ENTREP2: variants seen among roughly 807,000 people sequenced by gnomAD.
The protein encoded by ENTREP2 is endosomal transmembrane epsin interactor 2, also known as protein ENTREP2.
At chr15:29,495,774 G>A in the ENTREP2 span, among the ~76,000 whole-genome samples, 1 of 152,044 alleles carries the variant, frequency 6.6e-6, no homozygotes, top group Non-Finnish European at 1.5e-5. Flanking sequence ...CTATGTGTCT[G>A]TTTTTATGCC....
At chr15:29,511,888 T>C in the ENTREP2 span, among the ~76,000 whole-genome samples, 1 of 150,122 alleles carries the variant, frequency 6.7e-6, no homozygotes, top group Non-Finnish European at 1.5e-5. Flanking sequence ...GTGTTATCTA[T>C]TGTAAAGAAG....
chr15:29,274,691 G>A, the ENTREP2 span, among the ~76,000 whole-genome samples: 1 of 152,158 alleles, frequency 6.6e-6, no homozygotes, highest in Non-Finnish European at 1.5e-5. Flanking sequence ...TGTATATACT[G>A]CAGGGGAGGC....
At chr15:29,124,180 C>T in the ENTREP2 span, among the ~76,000 whole-genome samples, 2 of 152,204 alleles carry the variant, frequency 1.3e-5, no homozygotes, top group Non-Finnish European at 2.9e-5. Context: ...TCCAGCTCCC[C>T]ACAGAGCTGA....
the ENTREP2 span, among the ~76,000 whole-genome samples, chr15:29,458,424 C>T: frequency 7.9e-5 from 12 of 152,318 alleles, no homozygotes; most frequent in African/African-American, 2.6e-4. Context: ...CCCAGGCAAA[C>T]TGACACATAA....
chr15:29,127,502 C>T, the ENTREP2 span, among the ~76,000 whole-genome samples: 41 of 152,164 alleles, frequency 2.7e-4, no homozygotes, highest in Non-Finnish European at 4.6e-4. Flanking sequence ...CCTTCCTGTC[C>T]GTCTGTGAGG....
At chr15:29,187,107 C>T in the ENTREP2 span, among the ~76,000 whole-genome samples, 1 of 152,100 alleles carries the variant, frequency 6.6e-6, no homozygotes, top group East Asian at 1.9e-4. Flanking sequence ...CCGTATATCA[C>T]CCATACACAC....
At chr15:29,207,351 G>C in the ENTREP2 span, among the ~76,000 whole-genome samples, 1 of 147,566 alleles carries the variant, frequency 6.8e-6, no homozygotes, top group East Asian at 2.0e-4. Flanking sequence ...AGCTCTTAAA[G>C]ATTGCACGAA....
chr15:29,262,227 T>C, the ENTREP2 span, among the ~76,000 whole-genome samples: 1 of 152,236 alleles, frequency 6.6e-6, no homozygotes, highest in Non-Finnish European at 1.5e-5. Context: ...TAATCTTCGT[T>C]ATACTGTTGG....
At chr15:29,427,702 C>G in the ENTREP2 span, among the ~76,000 whole-genome samples, 1 of 152,160 alleles carries the variant, frequency 6.6e-6, no homozygotes, top group South Asian at 2.1e-4. Context: ...GGCATAACCT[C>G]CCCATCTCCA....
the ENTREP2 span, among the ~76,000 whole-genome samples, chr15:29,497,824 G>T: frequency 6.6e-6 from 1 of 151,680 alleles, no homozygotes; most frequent in Non-Finnish European, 1.5e-5. Flanking sequence ...GCTAACTTTA[G>T]TTTGTTCTTC....
At chr15:29,435,270 C>G in the ENTREP2 span, among the ~76,000 whole-genome samples, 67,625 of 151,948 alleles carry the variant, frequency 0.45, 15,846 homozygotes, top group African/African-American at 0.6. Context: ...GTGCTCCCCA[C>G]TGGCTCCGGG....
chr15:29,457,497 G>A, the ENTREP2 span, among the ~76,000 whole-genome samples: 1 of 152,170 alleles, frequency 6.6e-6, no homozygotes, highest in East Asian at 1.9e-4. Flanking sequence ...CCTGGCCCTG[G>A]TGCCTGCTGG....
the ENTREP2 span, among the ~76,000 whole-genome samples, chr15:29,179,244 CTCAATT>C: frequency 6.6e-6 from 1 of 152,258 alleles, no homozygotes; most frequent in Non-Finnish European, 1.5e-5. Context: ...CTGCTCTCCG[CTCAATT>C]TCATTTTCCT....
chr15:29,161,580 C>A, the ENTREP2 span, among the ~76,000 whole-genome samples: 2 of 152,204 alleles, frequency 1.3e-5, no homozygotes, highest in South Asian at 4.1e-4. Context: ...CCATCTCCAT[C>A]TTGTAAGAAC....
the ENTREP2 span, among the ~76,000 whole-genome samples, chr15:29,487,034 G>A: frequency 1.9e-4 from 29 of 152,280 alleles, no homozygotes; most frequent in African/African-American, 7.0e-4. Context: ...AGCTAGAATA[G>A]AGGATTTTCA....
At chr15:29,362,524 G>A in the ENTREP2 span, among the ~76,000 whole-genome samples, 5 of 151,728 alleles carry the variant, frequency 3.3e-5, no homozygotes, top group Middle Eastern at 3.4e-3. Context: ...AGAGGCACAC[G>A]CCGCCACACC....
the ENTREP2 span, among the ~76,000 whole-genome samples, chr15:29,330,166 C>T: frequency 2.3e-3 from 355 of 152,028 alleles, 1 homozygote; most frequent in African/African-American, 8.2e-3. Context: ...TGGCCGAGCG[C>T]GGCAGCTCAT....
the ENTREP2 span, among the ~76,000 whole-genome samples, chr15:29,505,334 CAG>C: frequency 6.6e-6 from 1 of 152,246 alleles, no homozygotes; most frequent in African/African-American, 2.4e-5. This position sits in a 1 kb window ranked among gnomAD's most constrained non-coding sequence, Gnocchi z 4.3. Flanking sequence ...GCAGCTTCAG[CAG>C]ACTTAAATAT....
chr15:29,309,888 A>G, the ENTREP2 span, among the ~76,000 whole-genome samples: 1 of 151,960 alleles, frequency 6.6e-6, no homozygotes, highest in African/African-American at 2.4e-5. Context: ...GAAGCCTGGC[A>G]TGCATGGCCC....
Sources: allele counts gnomAD v4.1 joint callset (sites outside exome capture counted in the v4.1 genomes callset), GRCh38; gene constraint gnomAD v4.1.1; non-coding constraint Gnocchi (gnomAD v3.1); transcripts MANE v1.5; gene names NCBI Gene and HGNC (gene_info 2026-07-23, HGNC 2026-07-21).